Variants in ERBIN observed in about 807,000 individuals in gnomAD.
ERBIN encodes the protein densin-180-like protein.
ERBIN carries 60 observed loss-of-function variants against 158.4 expected under a neutral mutation model. The ratio of observed to expected loss-of-function variants is 0.38; its 90% CI spans 0.31 to 0.47. The LOEUF is 0.47. Among genes scored for constraint, ERBIN ranks in the 20% least tolerant of loss-of-function variants. ERBIN has a pLI of 0.99. For missense variants in ERBIN, 1,610 were observed against 1,648.0 expected (o/e 0.98, Z 0.40); for synonymous variants, 594 against 557.2 (o/e 1.07, Z -0.93).
chr5:66,063,440 C>T (rs1760658409), intron 21 of ERBIN, among the ~76,000 whole-genome samples: 1 of 152,194 alleles, frequency 6.6e-6, no homozygotes, highest in South Asian at 2.1e-4. Context: ...CCATCTGTCA[C>T]CCCTTCCTTT....
At chr5:66,016,817 G>A (rs1754790215) in intron 7 of ERBIN, among the ~76,000 whole-genome samples, 1 of 152,030 alleles carries the variant, frequency 6.6e-6, no homozygotes, top group South Asian at 2.1e-4. Context: ...GTTTTGCTGT[G>A]TTGGTCAGAC....
rs1183822091 is a variant in ERBIN at position 66,026,036 on chromosome 5, A to G, written c.1020+59A>G. On this transcript the variant is annotated intron_variant, in intron 12 of 25. Coordinates refer to ENST00000284037, the MANE Select transcript of ERBIN (RefSeq NM_001253697.2). Reference sequence around the variant, plus strand: ...TTTTCATTTTTTTCTGATTATCTTCATTATAGCTATTTAGTGTGGCTTCAT... The same window carrying G: ...TTTTCATTTTTTTCTGATTATCTTCGTTATAGCTATTTAGTGTGGCTTCAT... 4.4e-6 allele frequency: 6 copies of G among 1,378,868 alleles called. No individual in the cohort carries two copies. The African/African-American group carries it at 4.5e-5, about 10-fold the overall frequency. The allele number at this position is 1,378,868 out of a possible 1,614,324, so 85.4% of individuals were successfully genotyped here. A position where few individuals can be genotyped will look rare whatever the true frequency, so the allele number is the denominator to read the frequency against.
At chr5:66,015,130 T>C (rs1754579888) in intron 7 of ERBIN, among the ~76,000 whole-genome samples, 1 of 152,142 alleles carries the variant, frequency 6.6e-6, no homozygotes, top group South Asian at 2.1e-4. Flanking sequence ...TGTCTGGCTA[T>C]GTAGTGTATT....
chr5:66,057,537 A>G (rs1759730042), intron 21 of ERBIN, among the ~76,000 whole-genome samples: 3 of 152,114 alleles, frequency 2.0e-5, no homozygotes, highest in Non-Finnish European at 2.9e-5. Flanking sequence ...CAGATTTCAT[A>G]CATCAAAGAT....
chr5:66,054,951 G>C lies in ERBIN; in HGVS notation c.3633G>C (p.Lys1211Asn). Residue 1211 changes from lysine to asparagine, a missense_variant and splice_region_variant, in exon 21 of 26, where the codon AAG (lysine) becomes AAC (asparagine). Physicochemically the swap from Lys to Asn is moderately conservative, Grantham distance 94. Around this residue, in one of 2 missense-constraint regions of ERBIN, gnomAD observed 1,014 missense variants for 936.1 expected, o/e 1.08. Transcript: ENST00000284037. ...ATATTGAAGCCAAAAAGTTAGAAAA[G>C]GTAATTGAACATGAGTTTTTCATTA... ...LRHIEAKKLE[K>N]KHPQTSSSGD... 1 of 1,554,654 alleles carries C rather than the reference G, an allele frequency of 6.4e-7. No homozygotes were observed.
chr5:66,070,078 C>G (rs918757603), intron 21 of ERBIN, among the ~76,000 whole-genome samples: 20 of 151,128 alleles, frequency 1.3e-4, no homozygotes, highest in Non-Finnish European at 8.9e-5. Context: ...GGGTTTTGTT[C>G]TTGTTGCCCA....
At chr5:65,940,552 G>A (rs1474110521) in intron 1 of ERBIN, among the ~76,000 whole-genome samples, 4 of 119,344 alleles carry the variant, frequency 3.4e-5, no homozygotes, top group African/African-American at 6.8e-5. Flanking sequence ...CAGCCGCCCC[G>A]TCCGGGAGGT....
intron 21 of ERBIN, among the ~76,000 whole-genome samples, chr5:66,066,120 T>A (rs1477929604): frequency 6.6e-6 from 1 of 152,194 alleles, no homozygotes; most frequent in Admixed American, 6.5e-5. Context: ...TTTATTTATA[T>A]AACAACTTTG....
intron 7 of ERBIN, among the ~76,000 whole-genome samples, chr5:66,015,318 T>C (rs897978588): frequency 2.6e-5 from 4 of 152,238 alleles, no homozygotes; most frequent in Admixed American, 6.5e-5. Context: ...TGCATTGCTA[T>C]AGTGTTACAT....
chr5:65,965,379 G>GTTTTT (rs1561304820), intron 1 of ERBIN, among the ~76,000 whole-genome samples: 31 of 103,648 alleles, frequency 3.0e-4, no homozygotes, highest in Admixed American at 9.7e-4. Flanking sequence ...TTTGTTTTTT[G>GTTTTT]TTGTTTTTTT....
chr5:65,927,488 G>T (rs1477493929), intron 1 of ERBIN, among the ~76,000 whole-genome samples: 1 of 152,090 alleles, frequency 6.6e-6, no homozygotes, highest in African/African-American at 2.4e-5. Flanking sequence ...GGCTTTTCTT[G>T]TAACTGATCC....
At chr5:66,015,770 G>T (rs533870456) in intron 7 of ERBIN, among the ~76,000 whole-genome samples, 2 of 152,234 alleles carry the variant, frequency 1.3e-5, no homozygotes, top group Non-Finnish European at 2.9e-5. Context: ...CCAAGAGTTT[G>T]CACTTGTAGT....
At chr5:65,941,246 C>T (rs960701364) in intron 1 of ERBIN, among the ~76,000 whole-genome samples, 3 of 151,316 alleles carry the variant, frequency 2.0e-5, no homozygotes, top group Non-Finnish European at 4.4e-5. Flanking sequence ...TCTGCTGACC[C>T]TCCCTCCACT....
intron 1 of ERBIN, among the ~76,000 whole-genome samples, chr5:65,960,187 A>G (rs775844528): frequency 3.9e-5 from 6 of 152,256 alleles, no homozygotes; most frequent in Non-Finnish European, 7.3e-5. Flanking sequence ...TCATGATGAA[A>G]TGTATATGAA....
intron 4 of ERBIN, among the ~76,000 whole-genome samples, chr5:66,009,012 A>G (rs1454666523): frequency 6.6e-6 from 1 of 152,218 alleles, no homozygotes; most frequent in African/African-American, 2.4e-5. Flanking sequence ...AAAAAATACA[A>G]AAATTTTCAG....
intron 7 of ERBIN, among the ~76,000 whole-genome samples, chr5:66,019,037 G>A (rs1469161335): frequency 2.0e-5 from 3 of 152,096 alleles, no homozygotes; most frequent in Non-Finnish European, 4.4e-5. Flanking sequence ...TTCACATGCT[G>A]ATTTTATATC....
At chr5:66,009,533 A>G (rs1037780288) in intron 4 of ERBIN, among the ~76,000 whole-genome samples, 7 of 152,338 alleles carry the variant, frequency 4.6e-5, no homozygotes, top group Non-Finnish European at 7.4e-5. Context: ...AACAATTGTA[A>G]AAATGCCATA....
chr5:66,039,355 C>T (rs1451374786), intron 15 of ERBIN, among the ~76,000 whole-genome samples: 2 of 151,768 alleles, frequency 1.3e-5, no homozygotes, highest in East Asian at 1.9e-4. Flanking sequence ...GCTTAACTTA[C>T]GCTAGTATTC....
intron 1 of ERBIN, among the ~76,000 whole-genome samples, chr5:65,928,324 T>A (rs1222783725): frequency 6.6e-6 from 1 of 152,112 alleles, no homozygotes; most frequent in Non-Finnish European, 1.5e-5. Flanking sequence ...TATCAAAGAA[T>A]TTAAAGTGCA....
Sources: gnomAD v4.1 joint callset for allele counts (sites outside exome capture counted in the v4.1 genomes callset) on GRCh38, gnomAD v4.1.1 for gene constraint, gnomAD v4.1.1 regional missense constraint, MANE v1.5 for transcripts, NCBI Gene and HGNC (gene_info 2026-07-23, HGNC 2026-07-21) for gene names.